The following ITGB5 variants were observed in gnomAD, a reference collection of about 807,000 sequenced individuals.
ITGB5 encodes the protein integrin beta-5.
In ITGB5, 38 loss-of-function variants were observed where a neutral mutation model predicts 84.8. The observed-to-expected ratio is 0.45, with a 90% confidence interval of 0.35 to 0.59. The LOEUF (loss-of-function observed/expected upper bound fraction) is 0.59, where lower values mean the gene tolerates loss of function less well. Among genes scored for constraint, ITGB5 ranks in the 20% least tolerant of loss-of-function variants. The pLI, the probability that ITGB5 is intolerant of heterozygous loss-of-function variation, is 0.01. For missense variants in ITGB5, 905 were observed against 1,034.5 expected, an observed-to-expected ratio of 0.87 and a Z score of 1.72; for synonymous variants, 393 against 414.4, an observed-to-expected ratio of 0.95 and a Z score of 0.63.
At chr3:124,830,244 T>C (rs2064841764) in intron 5 of ITGB5, among the ~76,000 whole-genome samples, 1 of 152,102 alleles carries the variant, frequency 6.6e-6, no homozygotes, top group Admixed American at 6.5e-5. Flanking sequence ...CAAGAACAGC[T>C]TCCATCCTTC....
At chr3:124,771,542 C>T (rs1051674452) in intron 11 of ITGB5, among the ~76,000 whole-genome samples, 149 of 151,902 alleles carry the variant, frequency 9.8e-4, no homozygotes, top group African/African-American at 3.3e-3. Flanking sequence ...TGAGTTCAGA[C>T]GTTTGAGACC....
At chr3:124,773,330 T>C (rs1452691097) in intron 11 of ITGB5, among the ~76,000 whole-genome samples, 1 of 152,240 alleles carries the variant, frequency 6.6e-6, no homozygotes, top group African/African-American at 2.4e-5. Context: ...CACTGTATTC[T>C]CCTGTGAAAG....
Position 124,841,452 on chromosome 3 carries a change from C to T in ITGB5, c.711G>A (p.Gln237=). The T allele has an allele frequency of 1.9e-6, 3 of 1,614,264 alleles. No individual in the cohort carries two copies. The highest frequency in any genetic ancestry group is 2.5e-6 in the Non-Finnish European group (3 of 1,180,040). The change falls in exon 5 of 15, where the codon CAG becomes CAA. Residue 237 remains glutamine, a synonymous_variant. Transcript: ENST00000296181. ...VDSFNEEVRK[Q]RVSRNRDAPE... ...GGGCATCTCGGTTCCGGGACACCCT[C>T]TGTTTCCGAACTTCCTCATTGAAGC...
intron 12 of ITGB5, among the ~76,000 whole-genome samples, chr3:124,768,408 C>G (rs1371832903): frequency 1.3e-5 from 2 of 152,232 alleles, no homozygotes; most frequent in Admixed American, 6.5e-5. Context: ...GTAGTCAATG[C>G]CAATTTTCCC....
intron 10 of ITGB5, chr3:124,781,440 T>A (rs2064003751): frequency 6.6e-6 from 1 of 152,354 alleles, no homozygotes; most frequent in African/African-American, 2.4e-5. Context: ...CACAGCAATA[T>A]GCCCATCCCA....
At chr3:124,852,666 G>C (rs1391785608) in intron 3 of ITGB5, among the ~76,000 whole-genome samples, 1 of 152,022 alleles carries the variant, frequency 6.6e-6, no homozygotes, top group African/African-American at 2.4e-5. Flanking sequence ...CACTTCTAGA[G>C]AATGAGTTGA....
At chr3:124,834,411 G>GAAAGAAAGAAAGAAGGAAAC (rs985693462) in intron 5 of ITGB5, among the ~76,000 whole-genome samples, 5 of 141,114 alleles carry the variant, frequency 3.5e-5, no homozygotes, top group African/African-American at 1.1e-4. Flanking sequence ...TCTACTGAAA[G>GAAAGAAAGAAAGAAGGAAAC]AAAGAAAGAA....
chr3:124,877,922 C>A (rs1180419531), intron 1 of ITGB5, among the ~76,000 whole-genome samples: 1 of 152,172 alleles, frequency 6.6e-6, no homozygotes, highest in African/African-American at 2.4e-5. Flanking sequence ...TGGCTCACTG[C>A]AACCTTGCTT....
At chr3:124,846,440 C>A (rs1579287637) in intron 4 of ITGB5, among the ~76,000 whole-genome samples, 4 of 149,034 alleles carry the variant, frequency 2.7e-5, no homozygotes, top group South Asian at 4.2e-4. Context: ...AAAAAAAAAA[C>A]CAACAAAAAA....
chr3:124,877,571 T>C (rs1159392349), intron 1 of ITGB5, among the ~76,000 whole-genome samples: 2 of 152,196 alleles, frequency 1.3e-5, no homozygotes, highest in Non-Finnish European at 2.9e-5. Flanking sequence ...TGTTTTAAGA[T>C]GAGCTAGTCA....
At chr3:124,821,692 A>C (rs1220116293) in intron 5 of ITGB5, among the ~76,000 whole-genome samples, 4 of 152,202 alleles carry the variant, frequency 2.6e-5, no homozygotes, top group African/African-American at 4.8e-5. Context: ...GCACACAGAC[A>C]AATGTCCAAG....
intron 9 of ITGB5, among the ~76,000 whole-genome samples, chr3:124,798,444 CAG>C (rs1442083640): frequency 6.6e-6 from 1 of 151,498 alleles, no homozygotes; most frequent in Non-Finnish European, 1.5e-5. Flanking sequence ...TTGTTTGAGA[CAG>C]AGTCTCTCTG....
chr3:124,872,747 T>TCCTC (rs1934117025), intron 2 of ITGB5, among the ~76,000 whole-genome samples: 1 of 152,068 alleles, frequency 6.6e-6, no homozygotes, highest in African/African-American at 2.4e-5. Context: ...CCTCCTTCCT[T>TCCTC]CCTCCCTCCC....
chr3:124,772,362 CA>C (rs1230596717), intron 11 of ITGB5, among the ~76,000 whole-genome samples: 1 of 152,240 alleles, frequency 6.6e-6, no homozygotes, highest in African/African-American at 2.4e-5. Flanking sequence ...TTATTTATGG[CA>C]AATGTCCAAC....
intron 1 of ITGB5, among the ~76,000 whole-genome samples, chr3:124,882,667 T>G (rs116189907): frequency 6.6e-6 from 1 of 152,196 alleles, no homozygotes; most frequent in African/African-American, 2.4e-5. Context: ...AGCAGAGAGA[T>G]ATGATCTGAC....
intron 10 of ITGB5, among the ~76,000 whole-genome samples, chr3:124,790,548 T>C (rs71323899): frequency 2.6e-4 from 39 of 151,174 alleles, no homozygotes; most frequent in Non-Finnish European, 3.0e-4. Flanking sequence ...TTAACAGAAC[T>C]GCCTTTGACT....
At position 124,774,785 on chromosome 3, in the gene ITGB5, ACAGCAGCAG is replaced by A. The variant is rs572103784; in HGVS notation, c.1694-882_1694-874del. Among the ~76,000 whole-genome samples, 77 of 152,070 alleles carry A rather than the reference ACAGCAGCAG, an allele frequency of 5.1e-4. 2 individuals carry two copies. Among genetic ancestry groups the A allele is most frequent in the Middle Eastern group, 3.4e-3 (1 of 292 alleles). On this transcript the variant is annotated intron_variant, in intron 10 of 14. Coordinates refer to ENST00000296181, the MANE Select transcript of ITGB5 (RefSeq NM_002213.5). ...GATGATTTAGGAGCAGATGCTGAGA[ACAGCAGCAG>A]CAGCAGCAGCAGCTAACACTCACCA... is the stretch of plus-strand genomic sequence containing the variant.
intron 10 of ITGB5, among the ~76,000 whole-genome samples, chr3:124,775,103 G>A (rs1001121132): frequency 1.3e-5 from 2 of 152,186 alleles, no homozygotes; most frequent in African/African-American, 4.8e-5. Context: ...TCCTTGCAGG[G>A]GGTCCTCTCC....
chr3:124,859,243 G>C lies in ITGB5; in HGVS notation c.360C>G (p.Pro120=), dbSNP rs202198223. 3.1e-6 allele frequency: 5 copies of C among 1,613,098 alleles called. No individual in the cohort carries two copies. The highest frequency in any genetic ancestry group is 2.7e-5 in the African/African-American group (2 of 74,990). Residue 120 remains proline, a splice_region_variant and synonymous_variant, in exon 3 of 15, where the codon CCC becomes CCG. Coordinates refer to ENST00000296181, the MANE Select transcript of ITGB5 (RefSeq NM_002213.5). The part of the protein sequence containing the change: ...TPQEIAVNLR[P]GDKTTFQLQV... ...CAGCCCTTTCTGTGGGCAACTCACC[G>C]GGCCGGAGGTTCACGGCAATCTCCT...
Sources: allele counts gnomAD v4.1 joint callset (sites outside exome capture counted in the v4.1 genomes callset), GRCh38; gene constraint gnomAD v4.1.1; transcripts MANE v1.5; gene names NCBI Gene and HGNC (gene_info 2026-07-23, HGNC 2026-07-21).